Variants in EZR observed in about 807,000 individuals in gnomAD.
The protein encoded by EZR is cytovillin 2.
EZR carries 40 observed loss-of-function variants against 74.8 expected under a neutral mutation model. That is an observed-to-expected ratio of 0.53 (90% confidence interval 0.42 to 0.70). EZR has a LOEUF of 0.70. EZR is among the 30% of genes least tolerant of loss of function. The probability of loss-of-function intolerance (pLI) is 0.00; values close to 1 mark genes in which losing one functional copy is unlikely to be tolerated. For missense variants in EZR, 678 were observed against 755.8 expected (o/e 0.90, Z 1.21); for synonymous variants, 341 against 283.3 (o/e 1.20, Z -2.05).
chr6:158,816,149 A>T (rs2128578106), intron 2 of EZR, among the ~76,000 whole-genome samples: 1 of 152,292 alleles, frequency 6.6e-6, no homozygotes, highest in Admixed American at 6.5e-5. Context: ...AGAAAGTAGA[A>T]TGGTGGTTGC....
chr6:158,767,073 C>T lies in EZR; in HGVS notation c.1602G>A (p.Leu534=), dbSNP rs758229406. 6.2e-7 allele frequency: 1 copy of T among 1,614,136 alleles called. No individual in the cohort carries two copies. Among genetic ancestry groups the T allele is most frequent in the Non-Finnish European group, 8.5e-7 (1 of 1,180,008 alleles). The change falls in exon 14 of 14, where the codon CTG becomes CTA. Residue 534 remains leucine, a synonymous_variant. Coordinates refer to ENST00000367075, the MANE Select transcript of EZR (RefSeq NM_001111077.2). ...NERVQRQLLT[L]SSELSQARDE... ...CTCGGGCCTGGGACAGCTCGCTGCT[C>T]AGCGTCTGTAACATTAAGCAGCATT...
chr6:158,794,630 G>A (rs113120892), intron 2 of EZR, among the ~76,000 whole-genome samples: 382 of 152,198 alleles, frequency 2.5e-3, no homozygotes, highest in African/African-American at 8.6e-3. Flanking sequence ...AGTTTTTATT[G>A]TCTTAGTAAT....
chr6:158,783,842 G>C (rs372859139), intron 6 of EZR, among the ~76,000 whole-genome samples, 176 bp from the exon 7 acceptor site: 6 of 152,300 alleles, frequency 3.9e-5, no homozygotes, highest in African/African-American at 9.6e-5. Flanking sequence ...GACCCATACA[G>C]CCCAGAAGCT....
At chr6:158,819,200 C>A (rs1438469948) in intron 1 of EZR, 117 bp downstream of exon 1, 2 of 152,530 alleles carry the variant, frequency 1.3e-5, no homozygotes, top group South Asian at 1.8e-4. Context: ...AACCCCGCGC[C>A]GCGCCCCCTA....
At chr6:158,816,480 A>T (rs1777556647) in intron 2 of EZR, among the ~76,000 whole-genome samples, 1 of 152,058 alleles carries the variant, frequency 6.6e-6, no homozygotes, top group African/African-American at 2.4e-5. Context: ...AGAAAACCAC[A>T]CCCAGAAGGG....
At chr6:158,818,694 C>A (rs1056223750) in intron 1 of EZR, among the ~76,000 whole-genome samples, 1 of 151,650 alleles carries the variant, frequency 6.6e-6, no homozygotes, top group East Asian at 2.0e-4. Flanking sequence ...CAGGGATACC[C>A]GGCGGGGAAA....
chr6:158,771,241 C>A lies in EZR; in HGVS notation c.959+3G>T. The A allele has an allele frequency of 6.2e-7, 1 of 1,609,810 alleles. No homozygotes were observed. The highest frequency in any genetic ancestry group is 1.1e-5 in the South Asian group (1 of 90,330). ...CCCCCCCACTCTGGCCTCACGCGCT[C>A]ACCGCTCCAGCTGCTTCTGATGCTT... On this transcript the variant is annotated splice_donor_region_variant and intron_variant, in intron 9 of 13. Coordinates refer to ENST00000367075, the MANE Select transcript of EZR (RefSeq NM_001111077.2).
chr6:158,771,220 C>G, intron 9 of EZR, 24 bp downstream of exon 9: 8 of 1,589,092 alleles, frequency 5.0e-6, no homozygotes, highest in South Asian at 1.2e-5. Context: ...ACAGGCCCCC[C>G]CCACTCTGGC....
intron 9 of EZR, 63 bp downstream of exon 9, chr6:158,771,181 C>T: frequency 1.1e-6 from 1 of 943,006 alleles, no homozygotes; most frequent in Admixed American, 2.2e-5. Context: ...CTGACAGGCA[C>T]TGGCTGCCAG....
At chr6:158,808,107 G>A (rs1401500515) in intron 2 of EZR, among the ~76,000 whole-genome samples, 1 of 152,182 alleles carries the variant, frequency 6.6e-6, no homozygotes, top group Non-Finnish European at 1.5e-5. Context: ...TTGTACAGGT[G>A]TACCTAACAT....
intron 6 of EZR, 75 bp downstream of exon 6, chr6:158,784,565 CACTA>C: frequency 7.8e-7 from 1 of 1,285,886 alleles, no homozygotes. Context: ...CCCTTTAAAG[CACTA>C]ACTAGAGTCA....
chr6:158,771,887 G>T (rs3102974), intron 8 of EZR, among the ~76,000 whole-genome samples: 100,108 of 151,952 alleles, frequency 0.66, 34,278 homozygotes, highest in Non-Finnish European at 0.74. Context: ...TGCCTCTGCT[G>T]CTATTTGGGC....
Position 158,797,038 on chromosome 6 carries a change from T to C in EZR, c.13-7667A>G, listed in dbSNP as rs140245797. ...ATATTTGGCCAAATTATTTCCCAGG[T>C]ATTTTCCTCATTTTGGTAAATAAAT... On this transcript the variant is annotated intron_variant, in intron 2 of 13. Transcript: ENST00000367075. Among the ~76,000 whole-genome samples, 54 of 152,368 alleles carry C rather than the reference T, an allele frequency of 3.5e-4. No homozygotes were observed. In the East Asian group the frequency reaches 9.6e-3, roughly 27 times the overall value.
rs763398155 is a variant in EZR at position 158,767,048 on chromosome 6, C to T, written c.1627G>A (p.Asp543Asn). The part of the protein sequence containing the change: ...TLSSELSQAR[D>N]ENKRTHNDII... ...TCATTGTGGGTCCTCTTATTCTCAT[C>T]TCGGGCCTGGGACAGCTCGCTGCTC... The change falls in exon 14 of 14, where the codon GAT becomes AAT. Residue 543 changes from aspartate (D) to asparagine (N), a missense_variant. Physicochemically the swap from Asp to Asn is conservative, Grantham distance 23. Transcript: ENST00000367075. 4.3e-6 allele frequency: 7 copies of T among 1,614,214 alleles called. No homozygotes were observed. In the East Asian group the frequency reaches 6.7e-5, roughly 15 times the overall value.
intron 2 of EZR, among the ~76,000 whole-genome samples, chr6:158,799,554 T>C (rs952822184): frequency 4.6e-5 from 7 of 152,374 alleles, no homozygotes; most frequent in South Asian, 2.1e-4. Flanking sequence ...CATATTTTAA[T>C]AGTCTCTCTG....
intron 7 of EZR, among the ~76,000 whole-genome samples, chr6:158,779,655 C>T (rs1791375630): frequency 6.6e-6 from 1 of 152,114 alleles, no homozygotes. Flanking sequence ...CCTCCGCCTC[C>T]CGGGCTCAAG....
chr6:158,789,206 T>C (rs1791666740), intron 3 of EZR, 82 bp downstream of exon 3: 4 of 1,019,164 alleles, frequency 3.9e-6, no homozygotes, highest in Non-Finnish European at 5.9e-6. Context: ...CAAGGTAATA[T>C]GCTTCGCAAA....
chr6:158,790,605 C>T (rs1460111068), intron 2 of EZR, among the ~76,000 whole-genome samples: 2 of 152,230 alleles, frequency 1.3e-5, no homozygotes, highest in South Asian at 2.1e-4. Context: ...ACCCAGGAGG[C>T]GGAGGTTGCA....
chr6:158,770,390 G>A (rs112579396), intron 10 of EZR, among the ~76,000 whole-genome samples: 5,004 of 152,230 alleles, frequency 0.033, 99 homozygotes, highest in Middle Eastern at 0.054. Context: ...CTCTGAACAC[G>A]CCTTTGGGTT....
Sources: allele counts gnomAD v4.1 joint callset (sites outside exome capture counted in the v4.1 genomes callset), GRCh38; gene constraint gnomAD v4.1.1; transcripts MANE v1.5; gene names NCBI Gene and HGNC (gene_info 2026-07-23, HGNC 2026-07-21).